The following WDR64 variants were observed in gnomAD, a reference collection of about 807,000 sequenced individuals.
WDR64 encodes WD repeat-containing protein 64.
A neutral mutation model predicts 139.3 loss-of-function variants in WDR64; 112 were observed. That is an observed-to-expected ratio of 0.80 (90% CI 0.69 to 0.94). The LOEUF is 0.94. Ranked by LOEUF, WDR64 falls within the 40% of genes least tolerant of loss-of-function variation. The probability of loss-of-function intolerance (pLI) is 0.00; values close to 1 mark genes in which losing one functional copy is unlikely to be tolerated. For missense variants in WDR64, 1,206 were observed against 1,293.1 expected (o/e 0.93, Z 1.03); for synonymous variants, 444 against 437.7 (o/e 1.01, Z -0.18).
chr1:241,773,892 G>A (rs1003825655), intron 20 of WDR64, among the ~76,000 whole-genome samples: 1 of 152,200 alleles, frequency 6.6e-6, no homozygotes, highest in African/African-American at 2.4e-5. Context: ...TATTAATGGT[G>A]TATTAGAGTA....
intron 9 of WDR64, among the ~76,000 whole-genome samples, chr1:241,714,837 T>G (rs1175815356): frequency 6.6e-6 from 1 of 152,192 alleles, no homozygotes; most frequent in Non-Finnish European, 1.5e-5. Context: ...TGCTCCCTTT[T>G]GCTCATTTTC....
intron 9 of WDR64, among the ~76,000 whole-genome samples, chr1:241,718,909 G>A (rs1476476334): frequency 6.6e-6 from 1 of 152,076 alleles, no homozygotes; most frequent in Non-Finnish European, 1.5e-5. Context: ...CCCATCATGA[G>A]GGCCCGCCTT....
intron 15 of WDR64, among the ~76,000 whole-genome samples, chr1:241,763,082 C>G (rs1574078158): frequency 1.3e-5 from 2 of 152,164 alleles, no homozygotes; most frequent in Non-Finnish European, 2.9e-5. Flanking sequence ...CTTTTCAACT[C>G]TACATATAAT....
chr1:241,780,818 T>C (rs764912068), intron 22 of WDR64, among the ~76,000 whole-genome samples: 3 of 152,212 alleles, frequency 2.0e-5, no homozygotes, highest in African/African-American at 4.8e-5. Context: ...AATCAGAGAA[T>C]AGCTTGCCAA....
chr1:241,658,216 T>C lies in WDR64; in HGVS notation c.146-2314T>C, dbSNP rs181732924. Among the ~76,000 whole-genome samples, 3 of 152,230 alleles carry C rather than the reference T, an allele frequency of 2.0e-5. No individual in the cohort carries two copies. In the East Asian group the frequency reaches 5.8e-4, roughly 29 times the overall value. On this transcript the variant is annotated intron_variant, in intron 1 of 27. Coordinates refer to ENST00000437684, the MANE Select transcript of WDR64 (RefSeq NM_001367482.1). ...AGAAAGCCTCACATCTAATTCCTTC[T>C]TGTCCTTAGATTCAATAGTCTTACC...
chr1:241,770,367 TA>T (rs1658382040), intron 17 of WDR64: 1 of 365,536 alleles, frequency 2.7e-6, no homozygotes, highest in Non-Finnish European at 4.9e-6. Flanking sequence ...TGCAGTGGGA[TA>T]GGCAAGACTT....
chr1:241,767,874 C>G (rs1245880653), intron 16 of WDR64, among the ~76,000 whole-genome samples: 1 of 152,140 alleles, frequency 6.6e-6, no homozygotes, highest in African/African-American at 2.4e-5. Context: ...GAATTCCTGT[C>G]ATCCTTCTGT....
chr1:241,761,974 C>A (rs1657925678), intron 15 of WDR64, among the ~76,000 whole-genome samples: 1 of 152,188 alleles, frequency 6.6e-6, no homozygotes, highest in Admixed American at 6.5e-5. Flanking sequence ...TTAGAATCCT[C>A]TTCTTCCAAA....
chr1:241,796,112 A>G (rs1659356878), intron 26 of WDR64, 145 bp from the exon 27 acceptor site: 2 of 427,592 alleles, frequency 4.7e-6, no homozygotes. Context: ...AAATAAAATA[A>G]AGATTTAATG....
chr1:241,725,989 A>G (rs1415639858), intron 10 of WDR64, among the ~76,000 whole-genome samples: 1 of 151,776 alleles, frequency 6.6e-6, no homozygotes, highest in Non-Finnish European at 1.5e-5. Flanking sequence ...AGCTGGGACT[A>G]CAGGTGGGGG....
At chr1:241,741,348 G>A (rs1669531511) in intron 11 of WDR64, among the ~76,000 whole-genome samples, 168 bp from the exon 12 acceptor site, 1 of 152,198 alleles carries the variant, frequency 6.6e-6, no homozygotes, top group African/African-American at 2.4e-5. Context: ...TGTCAAAAAT[G>A]TTCTAGAATA....
At chr1:241,695,269 T>A (rs1033272280) in intron 8 of WDR64, among the ~76,000 whole-genome samples, 7 of 152,174 alleles carry the variant, frequency 4.6e-5, no homozygotes, top group African/African-American at 9.7e-5. Flanking sequence ...TGAGGGTTTT[T>A]AAAAAAATAT....
intron 8 of WDR64, among the ~76,000 whole-genome samples, chr1:241,709,811 T>C (rs145284238): frequency 3.3e-5 from 5 of 152,308 alleles, no homozygotes; most frequent in Non-Finnish European, 7.4e-5. Context: ...AATACTTATA[T>C]ATACAAAAAT....
intron 15 of WDR64, among the ~76,000 whole-genome samples, 190 bp downstream of exon 15, chr1:241,757,649 G>GTTTTTTTTTTTTTTTT (rs35256499): frequency 2.1e-5 from 2 of 95,228 alleles, no homozygotes; most frequent in Non-Finnish European, 4.0e-5. Context: ...CAATGGATTT[G>GTTTTTTTTTTTTTTTT]TTTTTTTTTT....
intron 9 of WDR64, among the ~76,000 whole-genome samples, chr1:241,713,036 G>C (rs112130309): frequency 5.3e-5 from 8 of 150,540 alleles, no homozygotes; most frequent in African/African-American, 2.0e-4. Context: ...GACAGGCGCA[G>C]TGGCTCGCAC....
chr1:241,688,907 C>A (rs1051025865), intron 8 of WDR64, among the ~76,000 whole-genome samples: 2 of 151,988 alleles, frequency 1.3e-5, no homozygotes, highest in African/African-American at 4.8e-5. Flanking sequence ...TTACTTCTGG[C>A]GGAGGGGAAG....
intron 15 of WDR64, among the ~76,000 whole-genome samples, chr1:241,759,783 A>G (rs911780944): frequency 6.6e-6 from 1 of 152,178 alleles, no homozygotes; most frequent in Non-Finnish European, 1.5e-5. Flanking sequence ...GACATTAAGT[A>G]TATTCACATT....
intron 9 of WDR64, among the ~76,000 whole-genome samples, chr1:241,714,137 A>C (rs978751346): frequency 6.6e-6 from 1 of 152,216 alleles, no homozygotes. Flanking sequence ...ATGAGCTCCC[A>C]GAGGTTCCTC....
At chr1:241,652,755 C>A in intron 1 of WDR64, 126 bp downstream of exon 1, 1 of 1,131,322 alleles carries the variant, frequency 8.8e-7, no homozygotes, top group African/African-American at 1.6e-5. Context: ...GGGATGAAGA[C>A]CTCAGTTCTT....
Sources: gnomAD v4.1 joint callset for allele counts (sites outside exome capture counted in the v4.1 genomes callset) on GRCh38, gnomAD v4.1.1 for gene constraint, MANE v1.5 for transcripts, NCBI Gene and HGNC (gene_info 2026-07-23, HGNC 2026-07-21) for gene names.